Variants in AMPH observed in about 807,000 individuals in gnomAD.
AMPH encodes the protein amphiphysin.
AMPH carries 49 observed loss-of-function variants against 99.1 expected under a neutral mutation model. That is an observed-to-expected ratio of 0.49 (90% confidence interval 0.39 to 0.63). AMPH has a LOEUF of 0.63. Among genes scored for constraint, AMPH ranks in the 20% least tolerant of loss-of-function variants. The pLI is 0.00. For synonymous variants in AMPH, 314 were observed against 317.3 expected, an observed-to-expected ratio of 0.99 and a Z score of 0.11; for missense variants, 759 against 863.4, an observed-to-expected ratio of 0.88 and a Z score of 1.52.
intron 1 of AMPH, among the ~76,000 whole-genome samples, chr7:38,629,358 T>G (rs965923601): frequency 6.6e-6 from 1 of 152,058 alleles, no homozygotes; most frequent in Non-Finnish European, 1.5e-5. Flanking sequence ...GGCAGGCACT[T>G]TTCATCAGCA....
chr7:38,614,251 T>A (rs144516307), intron 1 of AMPH, among the ~76,000 whole-genome samples: 107 of 152,296 alleles, frequency 7.0e-4, no homozygotes, highest in Middle Eastern at 6.8e-3. Flanking sequence ...AAGGGAGGAA[T>A]TGATACTGGG....
intron 1 of AMPH, among the ~76,000 whole-genome samples, chr7:38,539,855 A>G (rs955050074): frequency 6.6e-6 from 1 of 152,352 alleles, no homozygotes; most frequent in East Asian, 1.9e-4. Context: ...AGCAGCCTCA[A>G]TGGAGGTGGG....
Position 38,526,399 on chromosome 7 carries a change from A to G in AMPH, c.150+8532T>C, listed in dbSNP as rs139132660. Among the ~76,000 whole-genome samples the G allele has an allele frequency of 5.4e-4, 75 of 139,044 alleles. 2 individuals are homozygous for G. In the East Asian group the frequency reaches 0.016, roughly 29 times the overall value. The allele number at this position is 139,044 out of a possible 152,430, so 91.2% of individuals were successfully genotyped here. A position where few individuals can be genotyped will look rare whatever the true frequency, so the allele number is the denominator to read the frequency against. ...ATTCTCTCACCTCAGCCTCGCAAGTAGCTGGGACTGCAAGCACCCACTACC... is the reference window on the plus strand; with the variant it reads ...ATTCTCTCACCTCAGCCTCGCAAGTGGCTGGGACTGCAAGCACCCACTACC... On this transcript the variant is annotated intron_variant, in intron 2 of 20. Transcript: ENST00000356264.
At chr7:38,419,453 CT>C (rs2128987918) in intron 16 of AMPH, among the ~76,000 whole-genome samples, 1 of 152,068 alleles carries the variant, frequency 6.6e-6, no homozygotes, top group South Asian at 2.1e-4. Flanking sequence ...TTTTTATGGG[CT>C]TTTTTCAGCT....
intron 1 of AMPH, among the ~76,000 whole-genome samples, chr7:38,549,343 A>G (rs773486928): frequency 6.6e-6 from 1 of 152,244 alleles, no homozygotes; most frequent in African/African-American, 2.4e-5. Flanking sequence ...GACAAGGTAC[A>G]TAAGATCTGG....
At chr7:38,394,653 ACACGAAAAC>A in intron 17 of AMPH, among the ~76,000 whole-genome samples, 1 of 152,228 alleles carries the variant, frequency 6.6e-6, no homozygotes, top group Non-Finnish European at 1.5e-5. Flanking sequence ...GAACGGAGTC[ACACGAAAAC>A]CACCTTCCTT....
chr7:38,594,771 C>A (rs530763786), intron 1 of AMPH, among the ~76,000 whole-genome samples: 2 of 152,046 alleles, frequency 1.3e-5, no homozygotes, highest in Non-Finnish European at 2.9e-5. Context: ...ATCTGCATCC[C>A]AAATTTCCCC....
At chr7:38,415,946 C>T in intron 17 of AMPH, among the ~76,000 whole-genome samples, 1 of 151,496 alleles carries the variant, frequency 6.6e-6, no homozygotes, top group East Asian at 1.9e-4. Context: ...CACCTGTGAG[C>T]TTCAGGAGAA....
At chr7:38,427,500 C>A (rs1785824047) in intron 14 of AMPH, among the ~76,000 whole-genome samples, 1 of 152,118 alleles carries the variant, frequency 6.6e-6, no homozygotes, top group South Asian at 2.1e-4. Context: ...ATTTTTAGTA[C>A]CTGCATAGTA....
intron 1 of AMPH, among the ~76,000 whole-genome samples, chr7:38,573,137 TTG>T (rs1481373813): frequency 1.3e-5 from 2 of 152,284 alleles, no homozygotes; most frequent in East Asian, 3.9e-4. Flanking sequence ...TCAAAAATAT[TTG>T]TACCTCCCTG....
chr7:38,574,075 T>C (rs1792144342), intron 1 of AMPH, among the ~76,000 whole-genome samples: 1 of 152,200 alleles, frequency 6.6e-6, no homozygotes, highest in South Asian at 2.1e-4. Context: ...TGATGTTAAG[T>C]ATAAGGCAAA....
chr7:38,449,566 A>T (rs965714316), intron 11 of AMPH, among the ~76,000 whole-genome samples: 3 of 152,210 alleles, frequency 2.0e-5, no homozygotes, highest in African/African-American at 7.2e-5. Context: ...CAATGATTTT[A>T]AAACATTTTC....
chr7:38,596,575 G>C (rs546465226), intron 1 of AMPH, among the ~76,000 whole-genome samples: 84 of 152,272 alleles, frequency 5.5e-4, no homozygotes, highest in African/African-American at 2.0e-3. Flanking sequence ...CTTTCATGTT[G>C]TAATTCTATA....
chr7:38,412,600 G>C (rs1698316129), intron 17 of AMPH, among the ~76,000 whole-genome samples: 1 of 152,224 alleles, frequency 6.6e-6, no homozygotes, highest in Non-Finnish European at 1.5e-5. Flanking sequence ...TGGGGGAACT[G>C]ATCACTGTGT....
chr7:38,407,335 A>ATCTCTCTC (rs70975099), intron 17 of AMPH, among the ~76,000 whole-genome samples: 2,116 of 140,304 alleles, frequency 0.015, 51 homozygotes, highest in African/African-American at 0.048. Context: ...ATTAGGGAAA[A>ATCTCTCTC]TCTCTCTCTC....
At chr7:38,446,574 GT>G in intron 11 of AMPH, among the ~76,000 whole-genome samples, 1 of 152,310 alleles carries the variant, frequency 6.6e-6, no homozygotes, top group Non-Finnish European at 1.5e-5. Flanking sequence ...GCAAACTAAT[GT>G]ATAGCAACAG....
At chr7:38,544,424 T>C (rs578243999) in intron 1 of AMPH, among the ~76,000 whole-genome samples, 2 of 152,290 alleles carry the variant, frequency 1.3e-5, no homozygotes, top group East Asian at 1.9e-4. Flanking sequence ...CAAATGACCA[T>C]GGCCTTTCTC....
In AMPH at chr7:38,527,721, C is replaced by T. The variant is rs112249204; in HGVS notation, c.150+7210G>A. ...GTGTAATTTCTTTATGAGCTATACG[C>T]CTTTTGTTTCCTTTCATTTTCCTTA... On this transcript the variant is annotated intron_variant, in intron 2 of 20. Coordinates refer to ENST00000356264, the MANE Select transcript of AMPH (RefSeq NM_001635.4). 5.9e-4 allele frequency among the ~76,000 whole-genome samples: 90 copies of T among 152,218 alleles called. 1 individual carries two copies. In the Middle Eastern group the frequency reaches 0.027, roughly 46 times the overall value.
chr7:38,572,233 A>G (rs1014866803), intron 1 of AMPH, among the ~76,000 whole-genome samples: 2 of 151,932 alleles, frequency 1.3e-5, no homozygotes, highest in African/African-American at 4.8e-5. Context: ...CTTTTATACC[A>G]TATTTTTATT....
Sources: gnomAD v4.1 joint callset for allele counts (sites outside exome capture counted in the v4.1 genomes callset) on GRCh38, gnomAD v4.1.1 for gene constraint, MANE v1.5 for transcripts, NCBI Gene and HGNC (gene_info 2026-07-23, HGNC 2026-07-21) for gene names.